GALNT18: variants seen among roughly 807,000 people sequenced by gnomAD.
GALNT18 encodes polypeptide N-acetylgalactosaminyltransferase 18.
Under a neutral mutation model 69.5 loss-of-function variants are expected in GALNT18, and 44 were observed. That is an observed-to-expected ratio of 0.63 (90% CI 0.50 to 0.81). The LOEUF (loss-of-function observed/expected upper bound fraction) is 0.81, where lower values mean the gene tolerates loss of function less well. Among genes scored for constraint, GALNT18 ranks in the 40% least tolerant of loss-of-function variants. GALNT18 has a pLI of 0.00. For missense variants in GALNT18, 715 were observed against 810.0 expected (o/e 0.88, Z 1.42); for synonymous variants, 364 against 318.2 (o/e 1.14, Z -1.53).
At chr11:11,515,939 G>A (rs1048871544) in intron 1 of GALNT18, among the ~76,000 whole-genome samples, 11 of 152,236 alleles carry the variant, frequency 7.2e-5, no homozygotes, top group African/African-American at 2.4e-4. Flanking sequence ...CCCATGCAGA[G>A]CTAGAGGATC....
intron 10 of GALNT18, among the ~76,000 whole-genome samples, chr11:11,273,559 T>G (rs1166558093): frequency 1.3e-5 from 2 of 152,176 alleles, no homozygotes; most frequent in African/African-American, 2.4e-5. Flanking sequence ...CTGGTGAGGA[T>G]GTAGAGAAAA....
intron 1 of GALNT18, among the ~76,000 whole-genome samples, chr11:11,464,774 T>G (rs1856120100): frequency 6.6e-6 from 1 of 152,252 alleles, no homozygotes; most frequent in African/African-American, 2.4e-5. Flanking sequence ...ACTCACTAGC[T>G]GTGTGACCTT....
At chr11:11,474,865 C>T (rs997451832) in intron 1 of GALNT18, among the ~76,000 whole-genome samples, 1 of 152,156 alleles carries the variant, frequency 6.6e-6, no homozygotes. Flanking sequence ...TTCTAGAAAA[C>T]ATACTAGAGG....
chr11:11,490,806 T>G (rs1346085795), intron 1 of GALNT18, among the ~76,000 whole-genome samples: 2 of 152,342 alleles, frequency 1.3e-5, no homozygotes, highest in East Asian at 3.9e-4. Context: ...CTCCAAATCA[T>G]GCAGGGCTGG....
chr11:11,428,652 T>C (rs1053437083), intron 3 of GALNT18, among the ~76,000 whole-genome samples: 1 of 152,178 alleles, frequency 6.6e-6, no homozygotes, highest in Non-Finnish European at 1.5e-5. Context: ...GGTGCCCACC[T>C]CCCCAGACCC....
intron 6 of GALNT18, among the ~76,000 whole-genome samples, chr11:11,363,302 C>G (rs1244726916): frequency 6.6e-6 from 1 of 151,906 alleles, no homozygotes; most frequent in Non-Finnish European, 1.5e-5. Context: ...AAGTCAGAAG[C>G]AAAATGAAAC....
At chr11:11,499,309 G>C (rs1028008042) in intron 1 of GALNT18, among the ~76,000 whole-genome samples, 2 of 152,200 alleles carry the variant, frequency 1.3e-5, no homozygotes, top group African/African-American at 4.8e-5. Context: ...CATCAGCGCT[G>C]ACCAAATCCT....
Position 11,309,602 on chromosome 11 carries a change from TAGCACCACC to T in GALNT18, c.1513-16418_1513-16410del, listed in dbSNP as rs1402548105. On this transcript the variant is annotated intron_variant, in intron 9 of 10. Coordinates refer to ENST00000227756, the MANE Select transcript of GALNT18 (RefSeq NM_198516.3). This position sits in a 1 kb window ranked among gnomAD's most constrained non-coding sequence, Gnocchi z 4.6. The stretch of plus-strand genomic sequence containing the variant: ...TTCTCCACACCTGTTCCCTGGAGGC[TAGCACCACC>T]AGAGAAAATTCATGGAACTGGGTAA... Among the ~76,000 whole-genome samples, 1 of 152,152 alleles carries T rather than the reference TAGCACCACC, an allele frequency of 6.6e-6. No homozygotes were observed. The highest frequency in any genetic ancestry group is 1.9e-4 in the East Asian group (1 of 5,192).
Position 11,448,728 on chromosome 11 carries a change from C to T in GALNT18, c.428+16G>A, listed in dbSNP as rs778061734. The T allele has an allele frequency of 4.4e-6, 7 of 1,600,890 alleles. No individual in the cohort carries two copies. In the South Asian group the frequency reaches 7.8e-5, roughly 18 times the overall value. On this transcript the variant is annotated intron_variant, in intron 2 of 10. Transcript: ENST00000227756. Reference sequence around the variant, plus strand: ...ATAGGCAGGTCGACAAGGGCCCAGTCACTGACTCTGCTCACCCACTGGGTC... The same window carrying T: ...ATAGGCAGGTCGACAAGGGCCCAGTTACTGACTCTGCTCACCCACTGGGTC...
chr11:11,431,971 G>A (rs1019045077), intron 3 of GALNT18, among the ~76,000 whole-genome samples: 1 of 152,204 alleles, frequency 6.6e-6, no homozygotes, highest in South Asian at 2.1e-4. Context: ...ACCAAGAAAT[G>A]TACACCAGGG....
intron 6 of GALNT18, among the ~76,000 whole-genome samples, chr11:11,345,364 T>C (rs1166721982): frequency 6.6e-6 from 1 of 151,994 alleles, no homozygotes; most frequent in Admixed American, 6.5e-5. Context: ...GGGAGATAAG[T>C]GGCTCCACTG....
At chr11:11,407,643 G>C (rs34705364) in intron 3 of GALNT18, among the ~76,000 whole-genome samples, 12,593 of 152,294 alleles carry the variant, frequency 0.083, 637 homozygotes, top group Non-Finnish European at 0.12. Context: ...CCCAGTAACC[G>C]TGTTATCCCA....
chr11:11,448,776 C>A lies in GALNT18; in HGVS notation c.396G>T (p.Leu132=). 1 of 1,612,876 alleles carries A rather than the reference C, an allele frequency of 6.2e-7. No homozygotes were observed. Among genetic ancestry groups the A allele is most frequent in the Non-Finnish European group, 8.5e-7 (1 of 1,179,720 alleles). ...YNAYLSDRLP[L]DRPLPDLRPS... The stretch of plus-strand genomic sequence containing the variant: ...GTCTGAGGTCAGGCAGGGGCCGGTC[C>A]AGGGGCAGGCGGTCGCTGAGGTAGG... The change falls in exon 2 of 11, where the codon CTG becomes CTT. Residue 132 remains leucine, a synonymous_variant. Coordinates refer to ENST00000227756, the MANE Select transcript of GALNT18 (RefSeq NM_198516.3).
intron 9 of GALNT18, among the ~76,000 whole-genome samples, chr11:11,297,342 T>G (rs896481935): frequency 2.0e-5 from 3 of 152,212 alleles, no homozygotes; most frequent in Admixed American, 2.0e-4. Context: ...CAATAACTCA[T>G]GAGGCAGGTA....
At chr11:11,276,942 T>A (rs1848962886) in intron 10 of GALNT18, among the ~76,000 whole-genome samples, 1 of 152,244 alleles carries the variant, frequency 6.6e-6, no homozygotes. Context: ...TTCACATTGA[T>A]GTTCATCAGG....
chr11:11,453,408 C>A (rs1855848439), intron 1 of GALNT18, among the ~76,000 whole-genome samples: 1 of 152,222 alleles, frequency 6.6e-6, no homozygotes, highest in Admixed American at 6.5e-5. Flanking sequence ...CACCTGAGTG[C>A]CTCAGCTCCA....
At chr11:11,597,022 T>C (rs58429778) in intron 1 of GALNT18, among the ~76,000 whole-genome samples, 3,856 of 152,254 alleles carry the variant, frequency 0.025, 171 homozygotes, top group African/African-American at 0.088. Flanking sequence ...AGGGTAGATT[T>C]TGTCAAATGC....
chr11:11,433,776 AC>A (rs2133796685), intron 2 of GALNT18, among the ~76,000 whole-genome samples: 1 of 152,258 alleles, frequency 6.6e-6, no homozygotes, highest in East Asian at 1.9e-4. Context: ...CCTGCCTGAT[AC>A]TAAATGCTGT....
chr11:11,281,931 C>CT (rs2132986702), intron 10 of GALNT18, among the ~76,000 whole-genome samples: 1 of 151,950 alleles, frequency 6.6e-6, no homozygotes, highest in Non-Finnish European at 1.5e-5. Context: ...GGAGGGTGCT[C>CT]TAGAACTGGT....
Sources: gnomAD v4.1 joint callset for allele counts (sites outside exome capture counted in the v4.1 genomes callset) on GRCh38, gnomAD v4.1.1 for gene constraint, Gnocchi (gnomAD v3.1) non-coding constraint, MANE v1.5 for transcripts, NCBI Gene and HGNC (gene_info 2026-07-23, HGNC 2026-07-21) for gene names.